Variants in MATCAP2 observed in about 807,000 individuals in gnomAD.
MATCAP2 encodes putative tyrosine carboxypeptidase MATCAP2.
At chr7:36,328,274 G>C in the MATCAP2 span, among the ~76,000 whole-genome samples, 1 of 147,988 alleles carries the variant, frequency 6.8e-6, no homozygotes, top group Admixed American at 6.8e-5. Flanking sequence ...GCCCAGGCTG[G>C]TCTCGAACTC....
chr7:36,371,838 G>C, the MATCAP2 span, among the ~76,000 whole-genome samples: 5 of 151,878 alleles, frequency 3.3e-5, no homozygotes, highest in East Asian at 9.7e-4. Flanking sequence ...ATAACTCCTG[G>C]GCTCAAGCGA....
At chr7:36,351,779 T>C in the MATCAP2 span, among the ~76,000 whole-genome samples, 1 of 151,592 alleles carries the variant, frequency 6.6e-6, no homozygotes, top group East Asian at 2.0e-4. Context: ...AAATCCTGTT[T>C]GTACAAAAAA....
At chr7:36,352,396 TAAAAAAA>T in the MATCAP2 span, among the ~76,000 whole-genome samples, 1 of 106,186 alleles carries the variant, frequency 9.4e-6, no homozygotes, top group Non-Finnish European at 1.8e-5. Flanking sequence ...GACTCCATCT[TAAAAAAA>T]AAAAAAAAAA....
At chr7:36,351,774 C>T in the MATCAP2 span, among the ~76,000 whole-genome samples, 10 of 151,518 alleles carry the variant, frequency 6.6e-5, no homozygotes, top group Non-Finnish European at 1.3e-4. Context: ...TGGCAAAATC[C>T]TGTTTGTACA....
the MATCAP2 span, among the ~76,000 whole-genome samples, chr7:36,347,147 A>G: frequency 1.5e-3 from 221 of 152,324 alleles, no homozygotes; most frequent in Middle Eastern, 0.02. Flanking sequence ...GTATCTTAAT[A>G]AAGCTATTTT....
the MATCAP2 span, among the ~76,000 whole-genome samples, chr7:36,373,847 C>T: frequency 7.9e-5 from 12 of 151,690 alleles, no homozygotes; most frequent in Admixed American, 3.3e-4. Flanking sequence ...TGCAGTGGCA[C>T]GATCTCAGCT....
chr7:36,356,848 G>GATA, the MATCAP2 span: 2 of 1,370,782 alleles, frequency 1.5e-6, no homozygotes, highest in Non-Finnish European at 2.1e-6. Context: ...TAAGATCACA[G>GATA]ATAATTGTTT....
At chr7:36,354,176 C>T in the MATCAP2 span, among the ~76,000 whole-genome samples, 1 of 152,216 alleles carries the variant, frequency 6.6e-6, no homozygotes, top group African/African-American at 2.4e-5. Flanking sequence ...GCTCAGCAGG[C>T]TACACCTAGA....
chr7:36,364,340 C>A, the MATCAP2 span, among the ~76,000 whole-genome samples: 1 of 152,138 alleles, frequency 6.6e-6, no homozygotes, highest in Non-Finnish European at 1.5e-5. Context: ...CGCCTGCTCT[C>A]CGCCTCACAA....
At chr7:36,330,189 G>T in the MATCAP2 span, among the ~76,000 whole-genome samples, 2 of 151,816 alleles carry the variant, frequency 1.3e-5, no homozygotes, top group African/African-American at 4.8e-5. Flanking sequence ...GGGCTCAAGT[G>T]ACCCTCCCAC....
At chr7:36,390,318 T>C in the MATCAP2 span, 1 of 525,530 alleles carries the variant, frequency 1.9e-6, no homozygotes, top group East Asian at 3.1e-5. Flanking sequence ...TCAGCCCCCG[T>C]TTTTACCATG....
At chr7:36,342,246 C>T in the MATCAP2 span, among the ~76,000 whole-genome samples, 1 of 150,520 alleles carries the variant, frequency 6.6e-6, no homozygotes, top group Non-Finnish European at 1.5e-5. Flanking sequence ...ATGGCTTGAT[C>T]TCAGCTCACT....
the MATCAP2 span, among the ~76,000 whole-genome samples, chr7:36,350,041 A>G: frequency 1.3e-5 from 2 of 152,246 alleles, no homozygotes. Context: ...ACAGAATATC[A>G]TGTCACCTAG....
chr7:36,378,647 T>A, the MATCAP2 span, among the ~76,000 whole-genome samples: 1 of 152,180 alleles, frequency 6.6e-6, no homozygotes, highest in Non-Finnish European at 1.5e-5. Context: ...CAGACAGGGA[T>A]GTTTAAGTCT....
the MATCAP2 span, among the ~76,000 whole-genome samples, chr7:36,374,242 C>A: frequency 1.3e-5 from 2 of 150,348 alleles, no homozygotes; most frequent in Non-Finnish European, 3.0e-5. Context: ...CCATGCAAGG[C>A]TAACTTTTTT....
the MATCAP2 span, chr7:36,333,943 C>A: frequency 6.2e-7 from 1 of 1,614,122 alleles, no homozygotes; most frequent in Non-Finnish European, 8.5e-7. Context: ...CTGCCAATAT[C>A]TTTAAAGAGT....
At chr7:36,330,075 A>G in the MATCAP2 span, among the ~76,000 whole-genome samples, 1 of 128,256 alleles carries the variant, frequency 7.8e-6, no homozygotes, top group East Asian at 2.2e-4. Context: ...ATTTTATTTT[A>G]TTTATTTATT....
the MATCAP2 span, chr7:36,366,788 G>A: frequency 5.9e-6 from 9 of 1,534,232 alleles, no homozygotes; most frequent in South Asian, 3.6e-5. Flanking sequence ...GCGCCCCGAA[G>A]GGGTCGGGGC....
chr7:36,389,618 T>G, the MATCAP2 span, among the ~76,000 whole-genome samples: 1 of 151,988 alleles, frequency 6.6e-6, no homozygotes, highest in East Asian at 1.9e-4. Context: ...GAATGTGTGG[T>G]TGTTGGGGGT....
Sources: allele counts gnomAD v4.1 joint callset (sites outside exome capture counted in the v4.1 genomes callset), GRCh38; gene constraint gnomAD v4.1.1; transcripts MANE v1.5; gene names NCBI Gene and HGNC (gene_info 2026-07-23, HGNC 2026-07-21).